Variants in FLT1 observed in about 807,000 individuals in gnomAD.
FLT1 encodes fms related receptor tyrosine kinase 1.
Under a neutral mutation model 156.3 loss-of-function variants are expected in FLT1, and 49 were observed. That is an observed-to-expected ratio of 0.31 (90% CI 0.25 to 0.40). The LOEUF (loss-of-function observed/expected upper bound fraction) is 0.40. Among genes scored for constraint, FLT1 ranks in the 10% least tolerant of loss-of-function variants. The probability of loss-of-function intolerance (pLI) is 1.00; values close to 1 mark genes in which losing one functional copy is unlikely to be tolerated. For missense variants in FLT1, 1,322 were observed against 1,637.2 expected (o/e 0.81, Z 3.32); for synonymous variants, 594 against 583.8 (o/e 1.02, Z -0.25).
chr13:28,319,563 G>T, intron 23 of FLT1, 29 bp from the exon 24 acceptor site: 1 of 1,370,700 alleles, frequency 7.3e-7, no homozygotes, highest in Non-Finnish European at 1.0e-6. Flanking sequence ...GCCTTGAGCA[G>T]AAGGGCATGA....
intron 14 of FLT1, among the ~76,000 whole-genome samples, chr13:28,373,648 A>G (rs1449920540): frequency 1.3e-5 from 2 of 152,206 alleles, no homozygotes; most frequent in Non-Finnish European, 2.9e-5. Flanking sequence ...AAGCATGTTT[A>G]AGGGAGTGTA....
In FLT1 at chr13:28,321,696, A is replaced by G. The variant is rs1044444363; in HGVS notation, c.3052-111T>C. 20 of 1,087,528 alleles carry G rather than the reference A, an allele frequency of 1.8e-5. No homozygotes were observed. The African/African-American group carries it at 1.9e-4, about 10-fold the overall frequency. 67.4% of individuals were successfully genotyped at this position (1,087,528 alleles called of 1,614,324 possible). A position where few individuals can be genotyped will look rare whatever the true frequency, so the allele number is the denominator to read the frequency against. On this transcript the variant is annotated intron_variant, in intron 22 of 29. Transcript: ENST00000282397. ...TGGGAATCCATTTCACATGCTGTGA[A>G]GGGAGCACCTCTCGGTGCACACAGA...
chr13:28,365,816 A>G (rs1873270801), intron 14 of FLT1, among the ~76,000 whole-genome samples: 1 of 152,248 alleles, frequency 6.6e-6, no homozygotes, highest in Non-Finnish European at 1.5e-5. Flanking sequence ...CACTGAAGCC[A>G]TAACAATTCC....
intron 3 of FLT1, among the ~76,000 whole-genome samples, chr13:28,440,709 T>C (rs1434209862): frequency 1.3e-5 from 2 of 152,160 alleles, no homozygotes; most frequent in Non-Finnish European, 2.9e-5. Context: ...CTGTGAGACC[T>C]TGGGGAAATC....
chr13:28,398,609 T>C (rs941860946), intron 11 of FLT1, among the ~76,000 whole-genome samples: 1 of 152,254 alleles, frequency 6.6e-6, no homozygotes, highest in African/African-American at 2.4e-5. Context: ...TAGTACACAG[T>C]GCTTTCTCTT....
chr13:28,412,506 C>T (rs1386038459), intron 10 of FLT1, among the ~76,000 whole-genome samples: 1 of 151,252 alleles, frequency 6.6e-6, no homozygotes, highest in African/African-American at 2.4e-5. Flanking sequence ...ACTGCAACCT[C>T]CGCCTCCCAG....
chr13:28,385,008 G>A lies in FLT1; in HGVS notation c.1993C>T (p.Arg665Ter), dbSNP rs745886558. 8 of 1,613,958 alleles carry A rather than the reference G, an allele frequency of 5.0e-6. No individual in the cohort carries two copies. Among genetic ancestry groups the A allele is most frequent in the South Asian group, 1.1e-5 (1 of 91,072 alleles). The change falls in exon 14 of 30, where the codon CGA becomes TGA. Residue 665 changes from arginine to a stop codon, truncating the protein, a stop_gained. Transcript: ENST00000282397. LOFTEE classifies it high-confidence loss of function. The stretch of plus-strand genomic sequence containing the variant: ...GCCACTGTGTGATCACTGAGGTTTC[G>A]CAGGAGGTATGGTGCTTCCTGATCT... ...IRDQEAPYLL[R>*]NLSDHTVAIS... is the part of the protein sequence containing the mutation.
chr13:28,456,853 G>T (rs527951154), intron 3 of FLT1, among the ~76,000 whole-genome samples: 1 of 152,086 alleles, frequency 6.6e-6, no homozygotes, highest in South Asian at 2.1e-4. Context: ...TGGGATTAAG[G>T]AAAGGATGAC....
At chr13:28,309,638 C>T (rs1482576487) in intron 27 of FLT1, among the ~76,000 whole-genome samples, 2 of 152,154 alleles carry the variant, frequency 1.3e-5, no homozygotes, top group Admixed American at 6.5e-5. Flanking sequence ...GAAGGGTCCA[C>T]ATATAACTTT....
At chr13:28,403,459 C>T (rs191925196) in intron 11 of FLT1, among the ~76,000 whole-genome samples, 97 of 152,322 alleles carry the variant, frequency 6.4e-4, no homozygotes, top group African/African-American at 2.2e-3. Flanking sequence ...GTTGCCACTT[C>T]ATGGTTTGGG....
At chr13:28,494,753 A>T in intron 1 of FLT1, 27 bp downstream of exon 1, 1 of 1,538,248 alleles carries the variant, frequency 6.5e-7, no homozygotes, top group Non-Finnish European at 8.7e-7. Context: ...AGCCCGCCTC[A>T]GGCCCCGGCC....
chr13:28,389,914 G>C lies in FLT1; in HGVS notation c.1851C>G (p.Ile617Met). Residue 617 changes from isoleucine (I) to methionine (M), a missense_variant, in exon 13 of 30, where the codon ATC becomes ATG. Ile to Met is a conservative substitution (Grantham distance 10). Coordinates refer to ENST00000282397, the MANE Select transcript of FLT1 (RefSeq NM_002019.4). The part of the protein sequence containing the change: ...QKMAITKEHS[I>M]TLNLTIMNVS... ...CATTCATGATGGTAAGATTAAGAGT[G>C]ATGGAGTGCTCCTTAGTGATGGCCA... The C allele has an allele frequency of 1.2e-6, 2 of 1,614,172 alleles. No individual in the cohort carries two copies. Among genetic ancestry groups the C allele is most frequent in the African/African-American group, 1.3e-5 (1 of 75,038 alleles).
intron 14 of FLT1, among the ~76,000 whole-genome samples, chr13:28,378,268 C>T (rs4771244): frequency 0.059 from 8,976 of 152,100 alleles, 363 homozygotes; most frequent in South Asian, 0.13. Context: ...AGGATGGTCT[C>T]GATCTCTTGA....
intron 14 of FLT1, among the ~76,000 whole-genome samples, chr13:28,358,084 A>G (rs1163912505): frequency 1.3e-5 from 2 of 152,124 alleles, no homozygotes; most frequent in African/African-American, 4.8e-5. Flanking sequence ...TGTGCTCGGC[A>G]CTATGTGACA....
chr13:28,437,050 A>G (rs1263859458), intron 4 of FLT1, among the ~76,000 whole-genome samples: 1 of 152,232 alleles, frequency 6.6e-6, no homozygotes, highest in Non-Finnish European at 1.5e-5. Flanking sequence ...ACACTGAATG[A>G]GAAGGCAAGG....
At chr13:28,329,499 G>A in intron 19 of FLT1, 116 bp downstream of exon 19, 2 of 746,314 alleles carry the variant, frequency 2.7e-6, no homozygotes, top group South Asian at 1.5e-5. Flanking sequence ...TATTAGGGAG[G>A]CCGTTTTCCT....
At chr13:28,355,820 G>C (rs535783736) in intron 15 of FLT1, among the ~76,000 whole-genome samples, 1 of 152,332 alleles carries the variant, frequency 6.6e-6, no homozygotes, top group Admixed American at 6.5e-5. Flanking sequence ...CTGCAGAGCA[G>C]ACTGCTGGCG....
intron 10 of FLT1, among the ~76,000 whole-genome samples, chr13:28,408,700 G>A (rs1422735743): frequency 6.6e-6 from 1 of 152,122 alleles, no homozygotes. Flanking sequence ...GAAGTCCACA[G>A]CACCTCCTGC....
At chr13:28,425,225 C>T (rs1192663358) in intron 10 of FLT1, among the ~76,000 whole-genome samples, 6 of 151,994 alleles carry the variant, frequency 3.9e-5, no homozygotes, top group Non-Finnish European at 8.8e-5. Flanking sequence ...CAAGCAGCAA[C>T]GTATTAAAGA....
Sources: allele counts gnomAD v4.1 joint callset (sites outside exome capture counted in the v4.1 genomes callset), GRCh38; gene constraint gnomAD v4.1.1; transcripts MANE v1.5; gene names NCBI Gene and HGNC (gene_info 2026-07-23, HGNC 2026-07-21).